SPOPL: variants seen among roughly 807,000 people sequenced by gnomAD.
SPOPL encodes the protein speckle-type POZ protein-like.
Under a neutral mutation model 53.8 loss-of-function variants are expected in SPOPL, and 23 were observed. That is an observed-to-expected ratio of 0.43 (90% confidence interval 0.31 to 0.61). The LOEUF (loss-of-function observed/expected upper bound fraction) is 0.61, where lower values mean the gene tolerates loss of function less well. SPOPL is among the 20% of genes least tolerant of loss of function. The pLI, the probability that SPOPL is intolerant of heterozygous loss-of-function variation, is 0.12. For missense variants in SPOPL, 442 were observed against 466.9 expected, an observed-to-expected ratio of 0.95 and a Z score of 0.49; for synonymous variants, 164 against 149.7, an observed-to-expected ratio of 1.10 and a Z score of -0.70.
chr2:138,549,358 A>G (rs906948799), intron 1 of SPOPL, among the ~76,000 whole-genome samples: 1 of 152,150 alleles, frequency 6.6e-6, no homozygotes, highest in Non-Finnish European at 1.5e-5. Context: ...TGCAGACTTC[A>G]GTATATATAT....
chr2:138,541,206 T>G (rs1685064286), intron 1 of SPOPL, among the ~76,000 whole-genome samples: 1 of 152,164 alleles, frequency 6.6e-6, no homozygotes, highest in Non-Finnish European at 1.5e-5. Context: ...AAAATTCTCT[T>G]TTTTTGTTGT....
intron 1 of SPOPL, among the ~76,000 whole-genome samples, chr2:138,518,953 G>C (rs994443993): frequency 1.5e-4 from 23 of 152,152 alleles, no homozygotes; most frequent in African/African-American, 5.6e-4. Context: ...AATTTATTGA[G>C]TGCTTTCTAT....
intron 3 of SPOPL, 108 bp downstream of exon 3, chr2:138,550,712 T>C: frequency 6.8e-7 from 1 of 1,462,146 alleles, no homozygotes; most frequent in Non-Finnish European, 9.2e-7. Flanking sequence ...TGTAATTTCA[T>C]ATTAGATTGG....
At chr2:138,539,145 A>G (rs986816388) in intron 1 of SPOPL, among the ~76,000 whole-genome samples, 9 of 152,130 alleles carry the variant, frequency 5.9e-5, no homozygotes, top group Non-Finnish European at 1.2e-4. Flanking sequence ...AATCCAGTCT[A>G]TCATTGTTGG....
chr2:138,530,939 G>GTGTT (rs1399944888), intron 1 of SPOPL, among the ~76,000 whole-genome samples: 1 of 151,772 alleles, frequency 6.6e-6, no homozygotes, highest in Non-Finnish European at 1.5e-5. Context: ...GTGTGTGTGT[G>GTGTT]TGTGTGTGTG....
chr2:138,516,120 A>AT (rs34836589), intron 1 of SPOPL, among the ~76,000 whole-genome samples: 1 of 152,142 alleles, frequency 6.6e-6, no homozygotes, highest in Non-Finnish European at 1.5e-5. Context: ...GCTTTTTAAG[A>AT]TTTTTTTACA....
chr2:138,563,477 G>A (rs1314328079), intron 8 of SPOPL, among the ~76,000 whole-genome samples: 1 of 152,152 alleles, frequency 6.6e-6, no homozygotes, highest in Non-Finnish European at 1.5e-5. Context: ...GCAAGACCCT[G>A]TCTCAAAAAT....
chr2:138,531,604 A>G (rs745342334), intron 1 of SPOPL, among the ~76,000 whole-genome samples: 3 of 152,064 alleles, frequency 2.0e-5, no homozygotes, highest in Non-Finnish European at 2.9e-5. Context: ...TGTAATACCT[A>G]TATTTTTTTC....
intron 1 of SPOPL, among the ~76,000 whole-genome samples, chr2:138,536,519 A>G (rs1359951076): frequency 6.6e-6 from 1 of 152,158 alleles, no homozygotes; most frequent in Non-Finnish European, 1.5e-5. Context: ...ACTGTTTTCA[A>G]CAATGCCCTG....
intron 1 of SPOPL, among the ~76,000 whole-genome samples, chr2:138,543,782 C>G (rs944662043): frequency 6.6e-6 from 1 of 152,166 alleles, no homozygotes; most frequent in African/African-American, 2.4e-5. Context: ...TAGTGAGGAG[C>G]TGCGTTCCTT....
At chr2:138,565,054 A>G (rs376263697) in intron 10 of SPOPL, 61 bp downstream of exon 10, 13 of 1,584,948 alleles carry the variant, frequency 8.2e-6, no homozygotes, top group Admixed American at 3.4e-5. Context: ...AAGTGTTTGC[A>G]TAGCCTTTTG....
intron 1 of SPOPL, among the ~76,000 whole-genome samples, chr2:138,541,952 G>A (rs959304863): frequency 1.1e-4 from 16 of 152,058 alleles, no homozygotes; most frequent in African/African-American, 3.4e-4. Context: ...GTTCTCGTTG[G>A]TTTCAAAGAA....
chr2:138,548,967 G>GGTCT (rs1328493835), intron 1 of SPOPL, among the ~76,000 whole-genome samples: 1 of 152,098 alleles, frequency 6.6e-6, no homozygotes, highest in Non-Finnish European at 1.5e-5. Context: ...AAACAATAGT[G>GGTCT]GTCTGTCTTG....
intron 1 of SPOPL, among the ~76,000 whole-genome samples, chr2:138,535,718 T>C (rs1021958558): frequency 3.3e-5 from 5 of 152,112 alleles, no homozygotes; most frequent in Non-Finnish European, 7.4e-5. Context: ...TTTTTAGTTA[T>C]CTTTTTCTGC....
Position 138,557,423 on chromosome 2 carries a change from C to T in SPOPL, c.481-1599C>T, listed in dbSNP as rs372869938. 9.2e-5 allele frequency among the ~76,000 whole-genome samples: 14 copies of T among 152,284 alleles called. No individual in the cohort carries two copies. The East Asian group carries it at 2.1e-3, about 23-fold the overall frequency. On this transcript the variant is annotated intron_variant, in intron 5 of 10. Coordinates refer to ENST00000280098, the MANE Select transcript of SPOPL (RefSeq NM_001001664.3). ...TTCTTTAGAAGTGTGTATTCATTCA[C>T]ATGAGATATATGTTTGTATGTCTGG...
rs1363003578 is a variant in SPOPL, at chr2:138,559,305, A to G, written c.682A>G (p.Met228Val). Residue 228 changes from methionine (M) to valine (V), a missense_variant, in exon 7 of 11, where the codon ATG (methionine) becomes GTG (valine). Transcript: ENST00000280098. Reference protein sequence around the residue: ...LAARSPVFNAMFEHEMEESKK... With the variant: ...LAARSPVFNAVFEHEMEESKK... ...AGCTCGATCTCCAGTTTTTAACGCCATGTTTGAACATGAAATGGAAGAAAG... is the reference window on the plus strand; with the variant it reads ...AGCTCGATCTCCAGTTTTTAACGCCGTGTTTGAACATGAAATGGAAGAAAG... The G allele has an allele frequency of 3.1e-6, 5 of 1,612,746 alleles. No individual in the cohort carries two copies. The highest frequency in any genetic ancestry group is 4.2e-6 in the Non-Finnish European group (5 of 1,179,536).
intron 1 of SPOPL, among the ~76,000 whole-genome samples, chr2:138,548,855 A>G (rs1193616890): frequency 2.6e-5 from 4 of 152,136 alleles, no homozygotes; most frequent in Non-Finnish European, 5.9e-5. Flanking sequence ...AAGTCTAATA[A>G]TCATTACTCT....
chr2:138,525,101 C>G (rs1003420224), intron 1 of SPOPL, among the ~76,000 whole-genome samples: 1 of 152,174 alleles, frequency 6.6e-6, no homozygotes, highest in Non-Finnish European at 1.5e-5. Flanking sequence ...TGAGACCAGG[C>G]AATTTGCAAA....
chr2:138,529,625 C>G (rs1684763569), intron 1 of SPOPL, among the ~76,000 whole-genome samples: 2 of 152,066 alleles, frequency 1.3e-5, no homozygotes, highest in South Asian at 4.2e-4. Flanking sequence ...ATTACAGTTG[C>G]TATATTTTAG....
Sources: gnomAD v4.1 joint callset for allele counts (sites outside exome capture counted in the v4.1 genomes callset) on GRCh38, gnomAD v4.1.1 for gene constraint, MANE v1.5 for transcripts, NCBI Gene and HGNC (gene_info 2026-07-23, HGNC 2026-07-21) for gene names.